The following C4BPA variants were observed in gnomAD, a reference collection of about 807,000 sequenced individuals.
C4BPA encodes complement component 4 binding protein alpha.
Under a neutral mutation model 63.7 loss-of-function variants are expected in C4BPA, and 31 were observed. The ratio of observed to expected loss-of-function variants is 0.49; its 90% CI spans 0.37 to 0.66. The LOEUF is 0.66. C4BPA is among the 30% of genes least tolerant of loss of function. The probability of loss-of-function intolerance (pLI) is 0.00; values close to 1 mark genes in which losing one functional copy is unlikely to be tolerated. For missense variants in C4BPA, 572 were observed against 723.3 expected (o/e 0.79, Z 2.40); for synonymous variants, 259 against 254.7 (o/e 1.02, Z -0.16).
At chr1:207,137,080 C>T (rs1685294575) in intron 9 of C4BPA, among the ~76,000 whole-genome samples, 1 of 152,240 alleles carries the variant, frequency 6.6e-6, no homozygotes, top group African/African-American at 2.4e-5. Context: ...CTTGCTTTGG[C>T]CACTTCTTCA....
At position 207,113,080 on chromosome 1, in the gene C4BPA, G is replaced by A; in HGVS notation, c.55G>A (p.Ala19Thr). Residue 19 changes from alanine to threonine, a missense_variant, in exon 2 of 12, where the codon GCC becomes ACC. Physicochemically the swap from Ala to Thr is moderately conservative, Grantham distance 58. This residue lies in a region of C4BPA where 107 missense variants were observed against 93.9 expected (regional missense o/e 1.14). Transcript: ENST00000367070. The stretch of plus-strand genomic sequence containing the variant: ...TCTTCATAGAAAAAGGAAAATGGCA[G>A]CCTGGCCCTTCTCCAGGCTGTGGAA... The part of the protein sequence containing the change: ...GALHRKRKMA[A>T]WPFSRLWKVS... 1.2e-6 allele frequency: 2 copies of A among 1,610,440 alleles called. No homozygotes were observed. Among genetic ancestry groups the A allele is most frequent in the Non-Finnish European group, 8.5e-7 (1 of 1,178,560 alleles).
chr1:207,125,584 C>T (rs1409193801), intron 6 of C4BPA, among the ~76,000 whole-genome samples: 1 of 152,048 alleles, frequency 6.6e-6, no homozygotes, highest in African/African-American at 2.4e-5. Context: ...TCTCTTTTGC[C>T]CTTCTGTCTT....
intron 4 of C4BPA, among the ~76,000 whole-genome samples, chr1:207,116,520 G>GTA (rs1558088596): frequency 0.031 from 3,574 of 115,424 alleles, 156 homozygotes; most frequent in African/African-American, 0.11. Flanking sequence ...GTGTATATGT[G>GTA]TGTGTGTGTG....
intron 7 of C4BPA, among the ~76,000 whole-genome samples, chr1:207,129,154 A>C (rs1685110332): frequency 6.6e-6 from 1 of 152,148 alleles, no homozygotes. Flanking sequence ...AGTAAGTAAA[A>C]TGAAAAATTC....
chr1:207,142,236 A>C (rs1381109942), intron 10 of C4BPA, among the ~76,000 whole-genome samples: 1 of 152,244 alleles, frequency 6.6e-6, no homozygotes, highest in African/African-American at 2.4e-5. Flanking sequence ...ATGTCCCTGC[A>C]AAGGACATGA....
At chr1:207,144,485 C>A in intron 11 of C4BPA, 59 bp from the exon 12 acceptor site, 1 of 1,456,208 alleles carries the variant, frequency 6.9e-7, no homozygotes, top group South Asian at 1.4e-5. Context: ...TCAGGATCCA[C>A]CCTCCTTTAT....
chr1:207,108,224 AATTATTTCTGGATTTGGCAAGGAAAACTC>A (rs2102326984), intron 1 of C4BPA, among the ~76,000 whole-genome samples: 1 of 152,342 alleles, frequency 6.6e-6, no homozygotes, highest in East Asian at 1.9e-4. Flanking sequence ...AAAGTGTAAT[AATTATTTCTGGATTTGGCAAGGAAAACTC>A]ACAAGCACTT....
At chr1:207,111,383 G>A (rs1684664430) in intron 1 of C4BPA, among the ~76,000 whole-genome samples, 1 of 152,184 alleles carries the variant, frequency 6.6e-6, no homozygotes, top group East Asian at 1.9e-4. Flanking sequence ...GTGAATTTAC[G>A]TATTGGCAGA....
intron 1 of C4BPA, among the ~76,000 whole-genome samples, chr1:207,105,011 G>A (rs577495821): frequency 2.6e-5 from 4 of 152,300 alleles, no homozygotes; most frequent in South Asian, 4.1e-4. Context: ...TGAATTTGAC[G>A]ATGCTGATAA....
At chr1:207,124,695 T>C (rs1276542091) in intron 6 of C4BPA, among the ~76,000 whole-genome samples, 2 of 152,210 alleles carry the variant, frequency 1.3e-5, no homozygotes, top group African/African-American at 4.8e-5. Context: ...CCGTAGTCTG[T>C]GTTAGCTTAG....
chr1:207,125,741 A>G (rs184993807), intron 6 of C4BPA, among the ~76,000 whole-genome samples: 1 of 152,302 alleles, frequency 6.6e-6, no homozygotes. Context: ...AGAAATTTCC[A>G]TAATTTATAA....
intron 6 of C4BPA, among the ~76,000 whole-genome samples, chr1:207,124,568 T>A (rs188315958): frequency 5.9e-5 from 9 of 152,278 alleles, no homozygotes; most frequent in African/African-American, 2.2e-4. Context: ...AGTGGTGAAC[T>A]GGGAGCTAAC....
chr1:207,119,029 G>A (rs1328768242), intron 4 of C4BPA, among the ~76,000 whole-genome samples: 1 of 33,262 alleles, frequency 3.0e-5, no homozygotes, highest in Non-Finnish European at 1.0e-4. Context: ...GTGCTTCAAG[G>A]ACAAACTGGA....
At chr1:207,141,612 T>C (rs1455097409) in intron 10 of C4BPA, among the ~76,000 whole-genome samples, 1 of 152,218 alleles carries the variant, frequency 6.6e-6, no homozygotes, top group Non-Finnish European at 1.5e-5. Flanking sequence ...AAACTTGCTC[T>C]AGTATGAATA....
chr1:207,111,762 C>T (rs1365990726), intron 1 of C4BPA, among the ~76,000 whole-genome samples: 1 of 152,130 alleles, frequency 6.6e-6, no homozygotes, highest in African/African-American at 2.4e-5. Context: ...AAGGGACTCC[C>T]TTTACCTAAA....
intron 9 of C4BPA, among the ~76,000 whole-genome samples, chr1:207,140,844 C>T (rs577408491): frequency 1.2e-4 from 19 of 152,246 alleles, no homozygotes; most frequent in African/African-American, 4.3e-4. Context: ...GCCAAAATGG[C>T]TCCTAAACAA....
chr1:207,116,562 A>ATGT (rs1268241908), intron 4 of C4BPA, among the ~76,000 whole-genome samples: 1 of 133,292 alleles, frequency 7.5e-6, no homozygotes, highest in African/African-American at 2.8e-5. Flanking sequence ...GTGTGTGTAT[A>ATGT]ATGTTTTTGA....
chr1:207,114,360 A>AG, intron 3 of C4BPA, 75 bp downstream of exon 3: 1 of 1,161,110 alleles, frequency 8.6e-7, no homozygotes, highest in Non-Finnish European at 1.2e-6. Flanking sequence ...AAATTTTCTG[A>AG]ATCTTTAGTC....
At chr1:207,118,953 T>G (rs377369721) in intron 4 of C4BPA, among the ~76,000 whole-genome samples, 2 of 151,286 alleles carry the variant, frequency 1.3e-5, no homozygotes, top group African/African-American at 4.9e-5. Context: ...GTTCCTTCAA[T>G]GTCTGTTGCT....
Sources: allele counts gnomAD v4.1 joint callset (sites outside exome capture counted in the v4.1 genomes callset), GRCh38; gene constraint gnomAD v4.1.1; regional missense constraint gnomAD v4.1.1; transcripts MANE v1.5; gene names NCBI Gene and HGNC (gene_info 2026-07-23, HGNC 2026-07-21).